DNAH8: variants seen among roughly 807,000 people sequenced by gnomAD.
The protein encoded by DNAH8 is dynein axonemal heavy chain 8, also known as axonemal beta dynein heavy chain 8.
DNAH8 carries 382 observed loss-of-function variants against 562.1 expected under a neutral mutation model. That is an observed-to-expected ratio of 0.68 (90% CI 0.63 to 0.74). The LOEUF is 0.74. Among genes scored for constraint, DNAH8 ranks in the 30% least tolerant of loss-of-function variants. The pLI is 0.00. For synonymous variants in DNAH8, 1,881 were observed against 1,919.4 expected (o/e 0.98, Z 0.52); for missense variants, 5,203 against 5,620.4 (o/e 0.93, Z 2.37).
intron 56 of DNAH8, among the ~76,000 whole-genome samples, chr6:38,884,599 G>A (rs559119797): frequency 3.3e-4 from 50 of 152,182 alleles, no homozygotes; most frequent in Admixed American, 1.2e-3. Context: ...TGTCTCCTAC[G>A]TGGTTTTCTA....
chr6:39,028,324 T>G (rs1395819051), intron 92 of DNAH8, among the ~76,000 whole-genome samples: 1 of 152,174 alleles, frequency 6.6e-6, no homozygotes, highest in East Asian at 1.9e-4. Context: ...CTCTCATTGC[T>G]TAGGAGGCCA....
Position 38,908,050 on chromosome 6 carries a change from T to C in DNAH8, c.9443T>C (p.Phe3148Ser). ...GAGCTACCTCGCCATCCTCCTACCT[T>C]TGATAATTTGTATGAATACTTCATT... ...KRELPRHPPT[F>S]DNLYEYFISR... The change falls in exon 64 of 93, where the codon TTT (phenylalanine) becomes TCT (serine). Residue 3148 changes from phenylalanine to serine, a missense_variant. By Grantham distance (155) the Phe-to-Ser change is radical. Transcript: ENST00000327475. The C allele has an allele frequency of 6.2e-7, 1 of 1,612,050 alleles. No individual in the cohort carries two copies. Among genetic ancestry groups the C allele is most frequent in the Non-Finnish European group, 8.5e-7 (1 of 1,179,000 alleles).
chr6:38,788,289 C>T (rs1302212389), intron 18 of DNAH8, among the ~76,000 whole-genome samples: 4 of 152,098 alleles, frequency 2.6e-5, no homozygotes, highest in African/African-American at 4.8e-5. Context: ...ATAGCTGGGA[C>T]TACAGGTGTG....
chr6:38,877,284 C>A (rs1778095225), intron 53 of DNAH8, among the ~76,000 whole-genome samples: 1 of 152,184 alleles, frequency 6.6e-6, no homozygotes, highest in African/African-American at 2.4e-5. Flanking sequence ...AAAATAATTA[C>A]CTTCCTCTGT....
chr6:38,798,993 C>G (rs1770540738), intron 21 of DNAH8, among the ~76,000 whole-genome samples: 1 of 152,190 alleles, frequency 6.6e-6, no homozygotes, highest in African/African-American at 2.4e-5. Flanking sequence ...CCCACCTTCT[C>G]TCTCCTATAG....
chr6:38,995,536 A>G (rs1305657934), intron 88 of DNAH8, among the ~76,000 whole-genome samples: 2 of 152,226 alleles, frequency 1.3e-5, no homozygotes, highest in Non-Finnish European at 2.9e-5. Flanking sequence ...GTTCTTTGAT[A>G]TCTTTCGTAT....
chr6:38,788,397 A>C (rs2127652071), intron 18 of DNAH8, among the ~76,000 whole-genome samples: 1 of 152,210 alleles, frequency 6.6e-6, no homozygotes, highest in East Asian at 1.9e-4. Flanking sequence ...TGACCCACCC[A>C]CCTCAGCAAC....
chr6:38,728,285 C>T, intron 3 of DNAH8, among the ~76,000 whole-genome samples: 1 of 138,368 alleles, frequency 7.2e-6, no homozygotes, highest in East Asian at 1.9e-4. Flanking sequence ...AGTCTTTTTA[C>T]CTTAATTTTC....
intron 92 of DNAH8, among the ~76,000 whole-genome samples, chr6:39,027,896 G>T (rs567352395): frequency 2.7e-4 from 41 of 152,274 alleles, no homozygotes; most frequent in Non-Finnish European, 4.9e-4. Context: ...TAGGTGTGGT[G>T]CTGGACCCCA....
At chr6:38,878,926 T>G (rs1212278328) in intron 53 of DNAH8, among the ~76,000 whole-genome samples, 1 of 152,190 alleles carries the variant, frequency 6.6e-6, no homozygotes, top group East Asian at 1.9e-4. Flanking sequence ...TTCCACATGA[T>G]ACGTTAATTC....
chr6:38,984,159 A>T (rs372319392), intron 86 of DNAH8, 47 bp from the exon 87 acceptor site: 3 of 1,105,684 alleles, frequency 2.7e-6, no homozygotes, highest in Non-Finnish European at 4.1e-6. Flanking sequence ...GTTTATAATG[A>T]TGTGTTTGGG....
chr6:39,022,487 T>C (rs62398587), intron 91 of DNAH8, among the ~76,000 whole-genome samples: 21,596 of 152,164 alleles, frequency 0.14, 1,683 homozygotes, highest in African/African-American at 0.2. Context: ...ATCAGGGTGC[T>C]TCCCACCTGC....
intron 89 of DNAH8, among the ~76,000 whole-genome samples, chr6:39,010,950 A>C (rs1766173853): frequency 6.6e-6 from 1 of 152,004 alleles, no homozygotes; most frequent in Non-Finnish European, 1.5e-5. Context: ...GCAAAAATGT[A>C]GGCTCTAGAA....
chr6:38,955,407 G>T (rs1406495771), intron 82 of DNAH8, among the ~76,000 whole-genome samples: 1 of 152,090 alleles, frequency 6.6e-6, no homozygotes, highest in Non-Finnish European at 1.5e-5. Context: ...GAGGTGGGTG[G>T]ATCATCTGAG....
chr6:38,965,063 C>G (rs920026053), intron 82 of DNAH8, among the ~76,000 whole-genome samples: 3 of 129,906 alleles, frequency 2.3e-5, no homozygotes, highest in South Asian at 4.9e-4. Context: ...GATTCTGTCT[C>G]AAAAAATAAA....
In DNAH8 at chr6:38,885,254, A is replaced by G. The variant is rs149389929; in HGVS notation, c.8259+1256A>G. Reference sequence around the variant, plus strand: ...TAACACCTCCAACACCTGCTCCTCCAACAGTCTTCTCTCTCTCAGCAAATA... The same window carrying G: ...TAACACCTCCAACACCTGCTCCTCCGACAGTCTTCTCTCTCTCAGCAAATA... On this transcript the variant is annotated intron_variant, in intron 56 of 92. Transcript: ENST00000327475. 4.6e-5 allele frequency among the ~76,000 whole-genome samples: 7 copies of G among 152,244 alleles called. No individual in the cohort carries two copies. In the East Asian group the frequency reaches 5.8e-4, roughly 13 times the overall value.
chr6:38,715,929 T>A (rs185968234), intron 1 of DNAH8, among the ~76,000 whole-genome samples: 1,147 of 28,076 alleles, frequency 0.041, 11 homozygotes, highest in East Asian at 0.078. Context: ...TAAATAAATA[T>A]ATATATATAT....
rs902081305 is a variant in DNAH8 at position 38,960,310 on chromosome 6, T to C, written c.12451+8790T>C. 7.9e-5 allele frequency among the ~76,000 whole-genome samples: 12 copies of C among 151,236 alleles called. No homozygotes were observed. The East Asian group carries it at 1.9e-3, about 24-fold the overall frequency. Reference sequence around the variant, plus strand: ...AGCTTTTGCATGGCAAAGGAAACAATCAACATAGTAAAGACATAACCTACA... The same window carrying C: ...AGCTTTTGCATGGCAAAGGAAACAACCAACATAGTAAAGACATAACCTACA... On this transcript the variant is annotated intron_variant, in intron 82 of 92. Coordinates refer to ENST00000327475, the MANE Select transcript of DNAH8 (RefSeq NM_001206927.2).
intron 41 of DNAH8, among the ~76,000 whole-genome samples, chr6:38,853,880 A>G (rs1305155406): frequency 6.6e-6 from 1 of 152,156 alleles, no homozygotes; most frequent in African/African-American, 2.4e-5. Context: ...ATTGACTACT[A>G]CACTGAAAGT....
Sources: gnomAD v4.1 joint callset for allele counts (sites outside exome capture counted in the v4.1 genomes callset) on GRCh38, gnomAD v4.1.1 for gene constraint, MANE v1.5 for transcripts, NCBI Gene and HGNC (gene_info 2026-07-23, HGNC 2026-07-21) for gene names.